The following NXPH2 variants were observed in gnomAD, a reference collection of about 807,000 sequenced individuals.
The protein encoded by NXPH2 is neurexophilin-2.
In NXPH2, 5 loss-of-function variants were observed where a neutral mutation model predicts 19.8. The observed-to-expected ratio is 0.25, with a 90% confidence interval of 0.13 to 0.53. The LOEUF (loss-of-function observed/expected upper bound fraction) is 0.53, where lower values mean the gene tolerates loss of function less well. NXPH2 is among the 20% of genes least tolerant of loss of function. The probability of loss-of-function intolerance (pLI) is 0.96; values close to 1 mark genes in which losing one functional copy is unlikely to be tolerated. For synonymous variants in NXPH2, 154 were observed against 127.4 expected (o/e 1.21, Z -1.41); for missense variants, 289 against 322.8 (o/e 0.90, Z 0.80).
At chr2:138,778,884 T>A (rs1682307186) in intron 1 of NXPH2, among the ~76,000 whole-genome samples, 1 of 152,208 alleles carries the variant, frequency 6.6e-6, no homozygotes, top group Non-Finnish European at 1.5e-5. Flanking sequence ...TGCATTTTCT[T>A]CTTGATGCCA....
chr2:138,688,143 T>C (rs1251151953), intron 1 of NXPH2, among the ~76,000 whole-genome samples: 1 of 152,216 alleles, frequency 6.6e-6, no homozygotes, highest in Non-Finnish European at 1.5e-5. Context: ...ATGGCCATTT[T>C]CACGATATTG....
At chr2:138,728,922 C>T (rs1025810083) in intron 1 of NXPH2, among the ~76,000 whole-genome samples, 1 of 152,192 alleles carries the variant, frequency 6.6e-6, no homozygotes, top group Non-Finnish European at 1.5e-5. Flanking sequence ...CTTACACTAC[C>T]TCCTGGTACA....
intron 1 of NXPH2, among the ~76,000 whole-genome samples, chr2:138,695,963 A>G (rs1311653003): frequency 6.6e-6 from 1 of 152,168 alleles, no homozygotes; most frequent in Non-Finnish European, 1.5e-5. Flanking sequence ...TCAGTGAGCT[A>G]TGATTGCACC....
At chr2:138,714,253 C>A (rs1049019546) in intron 1 of NXPH2, among the ~76,000 whole-genome samples, 5 of 152,178 alleles carry the variant, frequency 3.3e-5, no homozygotes, top group African/African-American at 1.2e-4. Context: ...AATAAAATCT[C>A]AGCATAAGAT....
rs1682062510 is a variant in NXPH2 at position 138,764,427 on chromosome 2, T to C, written c.51+15764A>G. On this transcript the variant is annotated intron_variant, in intron 1 of 1. Coordinates refer to ENST00000272641, the MANE Select transcript of NXPH2 (RefSeq NM_007226.3). ...TGCTATGGCCATTGTAGCTGGCCCA[T>C]GGACCAGCATTTGGGAATCACTGAA... Among the ~76,000 whole-genome samples the C allele has an allele frequency of 3.9e-5, 6 of 152,330 alleles. 1 individual carries two copies. Among genetic ancestry groups the C allele is most frequent in the Middle Eastern group, 3.4e-3 (1 of 294 alleles).
chr2:138,740,872 A>T (rs1234999748), intron 1 of NXPH2, among the ~76,000 whole-genome samples: 9 of 151,068 alleles, frequency 6.0e-5, no homozygotes, highest in Non-Finnish European at 1.3e-4. Context: ...ACTCTGCCAC[A>T]GAAATATGGG....
rs538632446 is a variant in NXPH2 at position 138,714,714 on chromosome 2, C to T, written c.52-43049G>A. Among the ~76,000 whole-genome samples the T allele has an allele frequency of 1.1e-4, 16 of 152,274 alleles. 1 individual carries two copies. The highest frequency in any genetic ancestry group is 3.9e-4 in the African/African-American group (16 of 41,550). On this transcript the variant is annotated intron_variant, in intron 1 of 1. Coordinates refer to ENST00000272641, the MANE Select transcript of NXPH2 (RefSeq NM_007226.3). The stretch of plus-strand genomic sequence containing the variant: ...GTTAATTTCATTGAATTACTTTGCT[C>T]CACTATATCCTTATACCAAATTATC...
chr2:138,673,408 A>G (rs1021708608), intron 1 of NXPH2, among the ~76,000 whole-genome samples: 2 of 152,114 alleles, frequency 1.3e-5, no homozygotes, highest in Non-Finnish European at 2.9e-5. Context: ...TTACATATTT[A>G]TGGGGGTACA....
chr2:138,770,171 C>T lies in NXPH2; in HGVS notation c.51+10020G>A, dbSNP rs147425248. Among the ~76,000 whole-genome samples the T allele has an allele frequency of 8.6e-3, 1,305 of 152,070 alleles. 14 individuals are homozygous for T. Among genetic ancestry groups the T allele is most frequent in the African/African-American group, 0.03 (1,254 of 41,492 alleles). On this transcript the variant is annotated intron_variant, in intron 1 of 1. Coordinates refer to ENST00000272641, the MANE Select transcript of NXPH2 (RefSeq NM_007226.3). ...GATTAGAATGATTCCCAACAAACTG[C>T]CAAAGAAAAAGCAATTCTCAAATAT...
chr2:138,737,713 G>T (rs1681573103), intron 1 of NXPH2, among the ~76,000 whole-genome samples: 1 of 152,256 alleles, frequency 6.6e-6, no homozygotes, highest in Admixed American at 6.5e-5. Context: ...GCTCCCTCCA[G>T]CTCTTGAAAT....
chr2:138,749,385 GTTA>G (rs1318344985), intron 1 of NXPH2, among the ~76,000 whole-genome samples: 2 of 152,008 alleles, frequency 1.3e-5, no homozygotes, highest in Admixed American at 6.6e-5. Context: ...AACTAGTAAA[GTTA>G]TTATTAATGA....
chr2:138,779,569 G>T (rs556073865), intron 1 of NXPH2, among the ~76,000 whole-genome samples: 1 of 152,046 alleles, frequency 6.6e-6, no homozygotes, highest in African/African-American at 2.4e-5. Context: ...CGCGGAGCTG[G>T]GCATGAAAGT....
chr2:138,777,933 A>C (rs1173707279), intron 1 of NXPH2, among the ~76,000 whole-genome samples: 1 of 151,964 alleles, frequency 6.6e-6, no homozygotes, highest in Non-Finnish European at 1.5e-5. Flanking sequence ...ATATCTAGAA[A>C]ATATTTTATC....
intron 1 of NXPH2, among the ~76,000 whole-genome samples, chr2:138,712,552 C>T (rs540063959): frequency 7.2e-5 from 11 of 152,278 alleles, no homozygotes; most frequent in African/African-American, 2.6e-4. Context: ...AGTTCTGCTT[C>T]CCCCAAATTC....
intron 1 of NXPH2, among the ~76,000 whole-genome samples, chr2:138,755,851 C>T (rs1288893724): frequency 6.6e-6 from 1 of 151,860 alleles, no homozygotes; most frequent in East Asian, 1.9e-4. Context: ...TTTCTTTCAT[C>T]AGTGTCTTGT....
At chr2:138,688,844 C>T (rs12478240) in intron 1 of NXPH2, among the ~76,000 whole-genome samples, 35,630 of 152,016 alleles carry the variant, frequency 0.23, 4,956 homozygotes, top group Non-Finnish European at 0.28. Flanking sequence ...AACCCCCGGC[C>T]GAAACTGCCT....
chr2:138,769,145 T>C (rs1445892881), intron 1 of NXPH2, among the ~76,000 whole-genome samples: 1 of 152,150 alleles, frequency 6.6e-6, no homozygotes, highest in Non-Finnish European at 1.5e-5. Context: ...CAAAGGAGAA[T>C]TTAAGAAAGA....
intron 1 of NXPH2, among the ~76,000 whole-genome samples, chr2:138,727,425 T>C (rs1376481443): frequency 1.3e-5 from 2 of 152,174 alleles, no homozygotes; most frequent in Admixed American, 6.5e-5. Context: ...GCCATTCTAA[T>C]AGGTGTGTAG....
intron 1 of NXPH2, among the ~76,000 whole-genome samples, chr2:138,738,325 T>C (rs1332340210): frequency 6.6e-6 from 1 of 152,130 alleles, no homozygotes; most frequent in Non-Finnish European, 1.5e-5. Context: ...AATAAAATGA[T>C]GAAGAAAGAA....
Sources: gnomAD v4.1 joint callset for allele counts (sites outside exome capture counted in the v4.1 genomes callset) on GRCh38, gnomAD v4.1.1 for gene constraint, MANE v1.5 for transcripts, NCBI Gene and HGNC (gene_info 2026-07-23, HGNC 2026-07-21) for gene names.